Variants in ABL1 observed in about 807,000 individuals in gnomAD.
ABL1 encodes ABL proto-oncogene 1, non-receptor tyrosine kinase.
A neutral mutation model predicts 94.7 loss-of-function variants in ABL1; 11 were observed. The ratio of observed to expected loss-of-function variants is 0.12; its 90% CI spans 0.07 to 0.19. ABL1 has a LOEUF of 0.19. Ranked by LOEUF, ABL1 falls within the 10% of genes least tolerant of loss-of-function variation. The pLI, the probability that ABL1 is intolerant of heterozygous loss-of-function variation, is 1.00. For synonymous variants in ABL1, 656 were observed against 622.4 expected (o/e 1.05, Z -0.80); for missense variants, 1,082 against 1,489.4 (o/e 0.73, Z 4.50).
intron 1 of ABL1, among the ~76,000 whole-genome samples, chr9:130,756,793 T>C (rs1289638406): frequency 6.6e-6 from 1 of 152,202 alleles, no homozygotes; most frequent in Non-Finnish European, 1.5e-5. Context: ...CTGTATCCTC[T>C]TTAACTTGGC....
intron 1 of ABL1, among the ~76,000 whole-genome samples, chr9:130,804,307 C>CCGAGA (rs11282644): frequency 0.25 from 37,751 of 152,050 alleles, 6,136 homozygotes; most frequent in African/African-American, 0.47. Flanking sequence ...CGGCAGTGAG[C>CCGAGA]TCACACCAGT....
intron 3 of ABL1, among the ~76,000 whole-genome samples, chr9:130,856,870 C>T (rs903132389): frequency 1.3e-5 from 2 of 152,156 alleles, no homozygotes; most frequent in African/African-American, 4.8e-5. Flanking sequence ...TTTCAGTAGT[C>T]CCCTGCTGGT....
chr9:130,737,878 C>T (rs545214993), intron 1 of ABL1, among the ~76,000 whole-genome samples: 44 of 149,558 alleles, frequency 2.9e-4, no homozygotes, highest in Admixed American at 8.7e-4. Flanking sequence ...TTGTCTAGGC[C>T]GGAGTGCAGT....
rs1831316531 is a variant in ABL1 at position 130,875,000 on chromosome 9, T to C, written c.1218T>C (p.Thr406=). 1 of 1,614,118 alleles carries C rather than the reference T, an allele frequency of 6.2e-7. No individual in the cohort carries two copies. Among genetic ancestry groups the C allele is most frequent in the African/African-American group, 1.3e-5 (1 of 74,936 alleles). ...HAGAKFPIKW[T]APESLAYNKF... is the part of the protein sequence containing the mutation. ...GAGCCAAGTTCCCCATCAAATGGAC[T>C]GCACCCGAGAGCCTGGCCTACAACA... Residue 406 remains threonine, a synonymous_variant, in exon 7 of 11, where the codon ACT becomes ACC. Transcript: ENST00000318560.
At chr9:130,799,169 A>G (rs1310074586) in intron 1 of ABL1, among the ~76,000 whole-genome samples, 1 of 151,664 alleles carries the variant, frequency 6.6e-6, no homozygotes, top group African/African-American at 2.4e-5. Context: ...AGGAGGCTTC[A>G]CTTACGCCAG....
Position 130,887,094 on chromosome 9 carries a change from G to A in ABL1, c.*1411G>A, listed in dbSNP as rs1327801724. On this transcript the variant is annotated 3_prime_UTR_variant, in exon 11 of 11. Coordinates refer to ENST00000318560, the MANE Select transcript of ABL1 (RefSeq NM_005157.6). ...ACCCGGGGTCTCCTGGACCTTGACA[G>A]AGCAGCTAACTCCGAGAGCAGTGGG... 1.3e-5 allele frequency: 3 copies of A among 233,048 alleles called. No homozygotes were observed. The East Asian group carries it at 1.8e-4, about 14-fold the overall frequency. 14.4% of individuals were successfully genotyped at this position (233,048 alleles called of 1,614,324 possible).
At chr9:130,856,181 C>T (rs182851938) in intron 3 of ABL1, among the ~76,000 whole-genome samples, 7 of 152,302 alleles carry the variant, frequency 4.6e-5, no homozygotes, top group East Asian at 1.9e-4. Flanking sequence ...CTCCACCTCC[C>T]GGGTTCAAGC....
intron 1 of ABL1, among the ~76,000 whole-genome samples, chr9:130,819,089 C>T (rs1207185520): frequency 6.6e-6 from 1 of 152,210 alleles, no homozygotes; most frequent in Non-Finnish European, 1.5e-5. Flanking sequence ...CGCGATGGCT[C>T]ATGCCTCTAA....
chr9:130,749,775 A>G (rs1831932369), intron 1 of ABL1, among the ~76,000 whole-genome samples: 1 of 152,130 alleles, frequency 6.6e-6, no homozygotes, highest in Non-Finnish European at 1.5e-5. Context: ...TTAGGAATGT[A>G]TGGGGTTATT....
intron 1 of ABL1, among the ~76,000 whole-genome samples, chr9:130,774,755 A>G (rs777668432): frequency 2.0e-5 from 3 of 152,152 alleles, no homozygotes; most frequent in Non-Finnish European, 4.4e-5. Flanking sequence ...CTGAGGCTGA[A>G]GTATCTCTTG....
intron 1 of ABL1, among the ~76,000 whole-genome samples, chr9:130,745,534 C>T (rs1183591265): frequency 6.6e-6 from 1 of 151,526 alleles, no homozygotes; most frequent in Non-Finnish European, 1.5e-5. Context: ...TCTCTCTCTC[C>T]CTCTCCTCTG....
intron 1 of ABL1, among the ~76,000 whole-genome samples, chr9:130,846,819 G>A (rs1186449504): frequency 6.6e-6 from 1 of 152,234 alleles, no homozygotes; most frequent in Non-Finnish European, 1.5e-5. Flanking sequence ...TGCCATGTCC[G>A]AGAATCTTTT....
chr9:130,734,859 T>G (rs1831714607), intron 1 of ABL1, among the ~76,000 whole-genome samples: 1 of 152,070 alleles, frequency 6.6e-6, no homozygotes, highest in African/African-American at 2.4e-5. Context: ...GTTGAGTGTT[T>G]TGGAATGGCG....
At chr9:130,860,088 G>A (rs1266379458) in intron 3 of ABL1, among the ~76,000 whole-genome samples, 2 of 152,162 alleles carry the variant, frequency 1.3e-5, no homozygotes, top group Non-Finnish European at 2.9e-5. Flanking sequence ...GGAACCAGGT[G>A]CATAGCGTAA....
Position 130,872,365 on chromosome 9 carries a change from T to C in ABL1, c.907+152T>C. The C allele has an allele frequency of 1.5e-6, 1 of 656,348 alleles. No homozygotes were observed. The highest frequency in any genetic ancestry group is 2.8e-5 in the East Asian group (1 of 36,346). The allele number at this position is 656,348 out of a possible 1,614,324, so 40.7% of individuals were successfully genotyped here. A position where few individuals can be genotyped will look rare whatever the true frequency, so the allele number is the denominator to read the frequency against. ...GTTCAGCCGCGGGTAAAATGAGGCCTGTATGGGATGGGTGTGTGCGTGTGT... is the reference window on the plus strand; with the variant it reads ...GTTCAGCCGCGGGTAAAATGAGGCCCGTATGGGATGGGTGTGTGCGTGTGT... On this transcript the variant is annotated intron_variant, in intron 5 of 10. Coordinates refer to ENST00000318560, the MANE Select transcript of ABL1 (RefSeq NM_005157.6). The surrounding 1 kb of genome is among the most constrained non-coding windows in gnomAD (Gnocchi z 5.0).
At chr9:130,829,331 C>T (rs1588255871) in intron 1 of ABL1, among the ~76,000 whole-genome samples, 1 of 152,134 alleles carries the variant, frequency 6.6e-6, no homozygotes, top group Admixed American at 6.5e-5. Context: ...GAGGCCGAGG[C>T]GGGCAGATCA....
chr9:130,842,511 TA>T (rs1266675327), intron 1 of ABL1, among the ~76,000 whole-genome samples: 2 of 152,208 alleles, frequency 1.3e-5, no homozygotes, highest in Admixed American at 1.3e-4. Flanking sequence ...TGAATACAAT[TA>T]GGCATTGCTT....
intron 1 of ABL1, among the ~76,000 whole-genome samples, chr9:130,725,824 GTTTTTTTT>G (rs34517462): frequency 2.6e-5 from 2 of 76,004 alleles, no homozygotes; most frequent in African/African-American, 6.5e-5. Context: ...GTGTATGGTG[GTTTTTTTT>G]TTTTTTTTTT....
At position 130,880,166 on chromosome 9, in the gene ABL1, C is replaced by T; in HGVS notation, c.1513+9C>T. The T allele has an allele frequency of 6.2e-7, 1 of 1,613,466 alleles. No individual in the cohort carries two copies. The highest frequency in any genetic ancestry group is 1.1e-5 in the South Asian group (1 of 91,064). On this transcript the variant is annotated intron_variant, in intron 9 of 10. Transcript: ENST00000318560. This position sits in a 1 kb window ranked among gnomAD's most constrained non-coding sequence, Gnocchi z 4.4. ...ATCCAGTATCTCAGACGGTAAAGTA[C>T]CCATCCCGGGGTACCTGCAGTGGGG...
Sources: gnomAD v4.1 joint callset for allele counts (sites outside exome capture counted in the v4.1 genomes callset) on GRCh38, gnomAD v4.1.1 for gene constraint, Gnocchi (gnomAD v3.1) non-coding constraint, MANE v1.5 for transcripts, NCBI Gene and HGNC (gene_info 2026-07-23, HGNC 2026-07-21) for gene names.